The following DENND2B variants were observed in gnomAD, a reference collection of about 807,000 sequenced individuals.
DENND2B encodes DENN domain-containing protein 2B.
Under a neutral mutation model 116.0 loss-of-function variants are expected in DENND2B, and 32 were observed. The ratio of observed to expected loss-of-function variants is 0.28; its 90% confidence interval spans 0.21 to 0.37. The LOEUF is 0.37. Ranked by LOEUF, DENND2B falls within the 10% of genes least tolerant of loss-of-function variation. DENND2B has a pLI of 1.00. For synonymous variants in DENND2B, 588 were observed against 583.9 expected, an observed-to-expected ratio of 1.01 and a Z score of -0.10; for missense variants, 1,276 against 1,477.7, an observed-to-expected ratio of 0.86 and a Z score of 2.24.
chr11:8,719,476 C>G (rs1375347928), intron 4 of DENND2B, among the ~76,000 whole-genome samples: 2 of 152,214 alleles, frequency 1.3e-5, no homozygotes, highest in Admixed American at 6.5e-5. Context: ...GAGTCCCCAG[C>G]AATGGAACAG....
intron 16 of DENND2B, chr11:8,697,845 A>T (rs761017703): frequency 2.0e-5 from 12 of 585,430 alleles, no homozygotes; most frequent in Non-Finnish European, 3.7e-5. Flanking sequence ...AAAGTGGTAG[A>T]GGGTCAGGCG....
At chr11:8,694,206 C>G in intron 19 of DENND2B, 76 bp from the exon 20 acceptor site, 1 of 1,545,582 alleles carries the variant, frequency 6.5e-7, no homozygotes, top group East Asian at 2.2e-5. Flanking sequence ...TCCTTGTAGC[C>G]CTAACCCTGT....
rs3794153 is a variant in DENND2B, at chr11:8,730,342, C to G, written c.948G>C (p.Lys316Asn). 0.43 allele frequency: 684,322 copies of G among 1,598,888 alleles called. 154,528 individuals carry two copies. The highest frequency in any genetic ancestry group is 0.47 in the Admixed American group (27,466 of 58,892). ...CCTCCAAGGAGCCCAAGGTTCCAGT[C>G]TTCCTTTTCCCCCGGTCCACGCTGT... ...SCYSVDRGKRKTGTLGSLEEP... is the reference protein window; with the variant it reads ...SCYSVDRGKRNTGTLGSLEEP... The change falls in exon 3 of 20, where the codon AAG becomes AAC. Residue 316 changes from lysine (K) to asparagine (N), a missense_variant. Coordinates refer to ENST00000313726, the MANE Select transcript of DENND2B (RefSeq NM_213618.2). This position sits in a 1 kb window ranked among gnomAD's most constrained non-coding sequence, Gnocchi z 4.1.
chr11:8,698,978 A>G lies in DENND2B; in HGVS notation c.2899-4T>C. The G allele has an allele frequency of 6.2e-7, 1 of 1,614,146 alleles. No homozygotes were observed. The highest frequency in any genetic ancestry group is 1.3e-5 in the African/African-American group (1 of 75,044). On this transcript the variant is annotated splice_region_variant and splice_polypyrimidine_tract_variant and intron_variant, in intron 15 of 19. Coordinates refer to ENST00000313726, the MANE Select transcript of DENND2B (RefSeq NM_213618.2). ...ATCCCAGATTCACCATCAGCGCCTG[A>G]GAAAAGGAGTCATTAGCAGAGTGGC... is the stretch of plus-strand genomic sequence containing the variant.
chr11:8,881,403 T>C (rs1001751420), intron 1 of DENND2B, among the ~76,000 whole-genome samples: 1 of 152,192 alleles, frequency 6.6e-6, no homozygotes, highest in Non-Finnish European at 1.5e-5. Context: ...CTTTGGTTGA[T>C]CTCCTAATTG....
At chr11:8,807,030 C>A (rs528059334) in intron 1 of DENND2B, among the ~76,000 whole-genome samples, 2 of 152,252 alleles carry the variant, frequency 1.3e-5, no homozygotes, top group South Asian at 2.1e-4. Context: ...CCCCTCCTCG[C>A]AGCCTGCCCT....
chr11:8,715,553 C>T lies in DENND2B; in HGVS notation c.1845+50G>A, dbSNP rs1452444709. 23 of 1,586,032 alleles carry T rather than the reference C, an allele frequency of 1.5e-5. 1 individual carries two copies. Among genetic ancestry groups the T allele is most frequent in the Admixed American group, 1.4e-4 (8 of 58,998 alleles). On this transcript the variant is annotated intron_variant, in intron 6 of 19. Coordinates refer to ENST00000313726, the MANE Select transcript of DENND2B (RefSeq NM_213618.2). ...AGGAAAGAGAGAGAAAGGCTGGCTG[C>T]CTGCCCGCCCACCTGCCCGGCTCCA... is the stretch of plus-strand genomic sequence containing the variant.
chr11:8,739,806 G>GCACA (rs145613095), intron 2 of DENND2B, among the ~76,000 whole-genome samples: 3 of 151,914 alleles, frequency 2.0e-5, no homozygotes, highest in Non-Finnish European at 4.4e-5. Flanking sequence ...CACCATAAAT[G>GCACA]CACACACACA....
intron 1 of DENND2B, among the ~76,000 whole-genome samples, chr11:8,892,612 T>C (rs937349289): frequency 2.6e-5 from 4 of 152,100 alleles, no homozygotes; most frequent in South Asian, 2.1e-4. Flanking sequence ...GAGAATACTA[T>C]AAACACCTCT....
At chr11:8,882,611 G>A (rs191233421) in intron 1 of DENND2B, among the ~76,000 whole-genome samples, 1 of 152,282 alleles carries the variant, frequency 6.6e-6, no homozygotes, top group East Asian at 1.9e-4. Flanking sequence ...ATTAATCATA[G>A]AATGTAACCA....
intron 2 of DENND2B, among the ~76,000 whole-genome samples, chr11:8,866,288 A>C (rs2063579071): frequency 2.0e-5 from 3 of 152,240 alleles, no homozygotes; most frequent in Non-Finnish European, 2.9e-5. Flanking sequence ...GCTCTTAGCT[A>C]TCTTAGAAAA....
rs71059187 is a variant in DENND2B, at chr11:8,854,016, A to ATTTTTTTTTT, written c.-156+3317_-156+3326dup. On this transcript the variant is annotated intron_variant, in intron 3 of 6. Transcript: ENST00000524757. ...GGTGAATGCCACCATGCCCCAGTTAATTTTTTTTTTTTTTTTTTTTTTTTT... is the reference window on the plus strand; with the variant it reads ...GGTGAATGCCACCATGCCCCAGTTAATTTTTTTTTTTTTTTTTTTTTTTTTTTTTTTTTTT... Among the ~76,000 whole-genome samples, 119 of 62,778 alleles carry ATTTTTTTTTT rather than the reference A, an allele frequency of 1.9e-3. 3 individuals carry two copies. The highest frequency in any genetic ancestry group is 3.4e-3 in the African/African-American group (55 of 16,082). The allele number at this position is 62,778 out of a possible 152,430, so 41.2% of individuals were successfully genotyped here.
At chr11:8,844,461 CTCTCT>C (rs1430604085) in intron 3 of DENND2B, among the ~76,000 whole-genome samples, 1 of 152,166 alleles carries the variant, frequency 6.6e-6, no homozygotes, top group African/African-American at 2.4e-5. Flanking sequence ...TACAACATTA[CTCTCT>C]TAAATGAATC....
chr11:8,876,874 G>A (rs1201713608), intron 2 of DENND2B, among the ~76,000 whole-genome samples: 9 of 108,580 alleles, frequency 8.3e-5, no homozygotes, highest in Middle Eastern at 5.4e-3. Flanking sequence ...GCAAGATTCC[G>A]TCTCAAAAAA....
chr11:8,704,246 G>C (rs2042203379), intron 13 of DENND2B, among the ~76,000 whole-genome samples: 1 of 152,218 alleles, frequency 6.6e-6, no homozygotes, highest in Non-Finnish European at 1.5e-5. Context: ...AGGACATCTA[G>C]AAGGGCAGCC....
At chr11:8,884,693 T>TGC (rs2063941750) in intron 1 of DENND2B, among the ~76,000 whole-genome samples, 2 of 152,170 alleles carry the variant, frequency 1.3e-5, no homozygotes, top group Non-Finnish European at 2.9e-5. Flanking sequence ...AAGATGAAGA[T>TGC]AACTCTTCAT....
At chr11:8,785,025 T>C (rs1432672662) in intron 1 of DENND2B, 1 of 152,222 alleles carries the variant, frequency 6.6e-6, no homozygotes, top group Non-Finnish European at 1.5e-5. Flanking sequence ...GTCTTCTTTC[T>C]GGATGTAGTA....
At chr11:8,787,859 C>T (rs909361086) in intron 1 of DENND2B, among the ~76,000 whole-genome samples, 1 of 152,202 alleles carries the variant, frequency 6.6e-6, no homozygotes, top group Admixed American at 6.5e-5. Flanking sequence ...ATCTACAAAT[C>T]CACGACTTTT....
chr11:8,715,834 G>A lies in DENND2B; in HGVS notation c.1630-16C>T. 6.3e-7 allele frequency: 1 copy of A among 1,582,912 alleles called. No homozygotes were observed. Among genetic ancestry groups the A allele is most frequent in the Non-Finnish European group, 8.6e-7 (1 of 1,161,356 alleles). ...TCAGGGAAAGCTGGCGTGGGGGAGAGGACGTGCGAGAGGGGCTTGCCACAG... is the reference window on the plus strand; with the variant it reads ...TCAGGGAAAGCTGGCGTGGGGGAGAAGACGTGCGAGAGGGGCTTGCCACAG... On this transcript the variant is annotated splice_polypyrimidine_tract_variant and intron_variant, in intron 5 of 19. Coordinates refer to ENST00000313726, the MANE Select transcript of DENND2B (RefSeq NM_213618.2).
Sources: allele counts gnomAD v4.1 joint callset (sites outside exome capture counted in the v4.1 genomes callset), GRCh38; gene constraint gnomAD v4.1.1; non-coding constraint Gnocchi (gnomAD v3.1); transcripts MANE v1.5; gene names NCBI Gene and HGNC (gene_info 2026-07-23, HGNC 2026-07-21).